RBPJ: variants seen among roughly 807,000 people sequenced by gnomAD.
RBPJ encodes the protein recombination signal binding protein for immunoglobulin kappa J region, also known as recombining binding protein suppressor of hairless.
A neutral mutation model predicts 67.8 loss-of-function variants in RBPJ; 9 were observed. The observed-to-expected ratio is 0.13, with a 90% CI of 0.08 to 0.23. RBPJ has a LOEUF of 0.23. Among genes scored for constraint, RBPJ ranks in the 10% least tolerant of loss-of-function variants. The pLI is 1.00. For synonymous variants in RBPJ, 198 were observed against 203.3 expected, an observed-to-expected ratio of 0.97 and a Z score of 0.22; for missense variants, 305 against 595.6, an observed-to-expected ratio of 0.51 and a Z score of 5.08.
chr4:26,331,547 C>T (rs922742951), intron 1 of RBPJ, among the ~76,000 whole-genome samples: 1 of 152,150 alleles, frequency 6.6e-6, no homozygotes, highest in Non-Finnish European at 1.5e-5. Flanking sequence ...AGTGCGGCGG[C>T]CAGTGTTGCT....
intron 2 of RBPJ, 42 bp from the exon 3 acceptor site, chr4:26,406,133 G>A: frequency 1.6e-6 from 2 of 1,283,802 alleles, no homozygotes; most frequent in Non-Finnish European, 2.3e-6. Flanking sequence ...ATTTCATCAA[G>A]AATTTCACCT....
In RBPJ at chr4:26,275,820, C is replaced by G. The variant is rs370112008; in HGVS notation, c.-166-86626C>G. Among the ~76,000 whole-genome samples the G allele has an allele frequency of 2.6e-5, 4 of 151,902 alleles. 1 individual carries two copies. The East Asian group carries it at 7.8e-4, about 30-fold the overall frequency. ...TACTTTTTTGTATTTTTAGTAGAGACGGGGTTTCACCATCTTGGCCGGGAT... is the reference window on the plus strand; with the variant it reads ...TACTTTTTTGTATTTTTAGTAGAGAGGGGGTTTCACCATCTTGGCCGGGAT... On this transcript the variant is annotated intron_variant, in intron 1 of 4. Coordinates refer to the RBPJ transcript ENST00000512351.
intron 1 of RBPJ, among the ~76,000 whole-genome samples, chr4:26,363,938 A>G (rs1015884405): frequency 6.6e-6 from 1 of 152,156 alleles, no homozygotes; most frequent in Non-Finnish European, 1.5e-5. Flanking sequence ...GATGTAATGA[A>G]AATTTTCTTA....
At chr4:26,320,651 G>A (rs1323006457), upstream of RBPJ, 2 of 1,376,074 alleles carry the variant, frequency 1.5e-6, no homozygotes, top group African/African-American at 2.9e-5. Flanking sequence ...CCCGCCTCCT[G>A]ACCCCTCCAT....
At position 26,358,378 on chromosome 4, in the gene RBPJ, C is replaced by T. The variant is rs1266082480; in HGVS notation, c.21-27975C>T. ...AGGAAGTGTAATAGGCACAAAATTACGTGCACTTTGAAGTGTCCAAAACAG... is the reference window on the plus strand; with the variant it reads ...AGGAAGTGTAATAGGCACAAAATTATGTGCACTTTGAAGTGTCCAAAACAG... On this transcript the variant is annotated intron_variant, in intron 1 of 10. Transcript: ENST00000355476. Among the ~76,000 whole-genome samples the T allele has an allele frequency of 5.9e-5, 9 of 152,004 alleles. No homozygotes were observed. The East Asian group carries it at 9.6e-4, about 16-fold the overall frequency.
chr4:26,112,421 G>C, the RBPJ span: 1 of 154,248 alleles, frequency 6.5e-6, no homozygotes, highest in Non-Finnish European at 1.5e-5. Context: ...CTATTGGAGA[G>C]AAATTGTATA....
At chr4:26,421,029 G>T (rs1310495002) in intron 5 of RBPJ, among the ~76,000 whole-genome samples, 1 of 152,104 alleles carries the variant, frequency 6.6e-6, no homozygotes, top group Non-Finnish European at 1.5e-5. Flanking sequence ...TGAGCCTGTG[G>T]TGCTGAATTG....
chr4:26,340,251 C>T (rs1457895042), intron 1 of RBPJ, among the ~76,000 whole-genome samples: 5 of 152,082 alleles, frequency 3.3e-5, no homozygotes, highest in Admixed American at 6.5e-5. Flanking sequence ...CTGAGAAAGA[C>T]GTGGAGGGAG....
intron 1 of RBPJ, among the ~76,000 whole-genome samples, chr4:26,287,738 G>A (rs1293599089): frequency 6.7e-6 from 1 of 149,698 alleles, no homozygotes; most frequent in Non-Finnish European, 1.5e-5. Context: ...GAGAAAGGGA[G>A]GGAGGAAGGC....
intron 1 of RBPJ, among the ~76,000 whole-genome samples, chr4:26,361,086 T>C (rs1389960505): frequency 6.7e-6 from 1 of 149,960 alleles, no homozygotes; most frequent in Non-Finnish European, 1.5e-5. Context: ...TGTGTCACAT[T>C]CAGAGCCATT....
At chr4:26,309,254 C>T (rs959407270) in intron 1 of RBPJ, among the ~76,000 whole-genome samples, 2 of 152,044 alleles carry the variant, frequency 1.3e-5, no homozygotes, top group African/African-American at 2.4e-5. Context: ...TGGGCATAAG[C>T]GATACTCCTG....
At chr4:26,222,396 G>A (rs1718939603) in intron 1 of RBPJ, among the ~76,000 whole-genome samples, 1 of 151,076 alleles carries the variant, frequency 6.6e-6, no homozygotes, top group Admixed American at 6.6e-5. Flanking sequence ...TCAGGAGGCT[G>A]AGGCAGGAGA....
chr4:26,195,709 C>T (rs909611626), intron 1 of RBPJ, among the ~76,000 whole-genome samples: 24 of 152,118 alleles, frequency 1.6e-4, no homozygotes, highest in Non-Finnish European at 2.5e-4. Context: ...ATTCTCCTGC[C>T]TTAGCCTCCT....
At chr4:26,320,612 C>G, upstream of RBPJ, 2 of 952,800 alleles carry the variant, frequency 2.1e-6, no homozygotes, top group Non-Finnish European at 3.1e-6. Context: ...AGCCCATTTT[C>G]CCAGGACCCC....
At chr4:26,255,366 C>T (rs56067582) in intron 1 of RBPJ, among the ~76,000 whole-genome samples, 82,322 of 95,554 alleles carry the variant, frequency 0.86, 35,623 homozygotes, top group East Asian at 0.98. Context: ...ATCGCGCCAC[C>T]GCACTCCAGC....
chr4:26,242,896 G>C (rs545060355), intron 1 of RBPJ, among the ~76,000 whole-genome samples: 4 of 152,210 alleles, frequency 2.6e-5, no homozygotes, highest in Admixed American at 6.5e-5. Flanking sequence ...TTGCCTTGAG[G>C]AAAAGTACTT....
chr4:26,113,444 C>G, the RBPJ span: 1 of 548,408 alleles, frequency 1.8e-6, no homozygotes, highest in Non-Finnish European at 3.5e-6. Flanking sequence ...TTGCCAGAAA[C>G]CACACCTTAC....
the RBPJ span, among the ~76,000 whole-genome samples, chr4:26,155,864 A>C: frequency 6.6e-6 from 1 of 152,172 alleles, no homozygotes; most frequent in African/African-American, 2.4e-5. Flanking sequence ...TGGCAGTTTG[A>C]AATTTTCTCT....
chr4:26,249,405 A>G (rs1720024983), intron 1 of RBPJ, among the ~76,000 whole-genome samples: 3 of 152,140 alleles, frequency 2.0e-5, no homozygotes, highest in Admixed American at 2.0e-4. Flanking sequence ...TACACCTGTA[A>G]TCCCAGCACT....
Sources: allele counts gnomAD v4.1 joint callset (sites outside exome capture counted in the v4.1 genomes callset), GRCh38; gene constraint gnomAD v4.1.1; transcripts MANE v1.5; gene names NCBI Gene and HGNC (gene_info 2026-07-23, HGNC 2026-07-21).